The following TCERG1L variants were observed in gnomAD, a reference collection of about 807,000 sequenced individuals.
TCERG1L encodes transcription elongation regulator 1-like protein.
TCERG1L carries 37 observed loss-of-function variants against 56.3 expected under a neutral mutation model. The observed-to-expected ratio is 0.66, with a 90% CI of 0.51 to 0.87. The LOEUF (loss-of-function observed/expected upper bound fraction) is 0.87. TCERG1L is among the 40% of genes least tolerant of loss of function. The probability of loss-of-function intolerance (pLI) is 0.00; values close to 1 mark genes in which losing one functional copy is unlikely to be tolerated. For missense variants in TCERG1L, 799 were observed against 774.2 expected (o/e 1.03, Z -0.38); for synonymous variants, 324 against 326.3 (o/e 0.99, Z 0.08).
chr10:131,125,968 G>A (rs1350060669), intron 8 of TCERG1L, among the ~76,000 whole-genome samples: 2 of 152,224 alleles, frequency 1.3e-5, no homozygotes, highest in Non-Finnish European at 2.9e-5. Flanking sequence ...GGGCAGAGAT[G>A]CAAAATCCTC....
At chr10:131,242,961 G>T (rs551049803) in intron 4 of TCERG1L, among the ~76,000 whole-genome samples, 1 of 152,240 alleles carries the variant, frequency 6.6e-6, no homozygotes, top group South Asian at 2.1e-4. Context: ...AAGAAATAGG[G>T]ACGTCAATCT....
intron 4 of TCERG1L, among the ~76,000 whole-genome samples, chr10:131,243,696 C>T (rs993813446): frequency 6.6e-5 from 10 of 152,160 alleles, no homozygotes; most frequent in Admixed American, 6.5e-4. Context: ...GACCAGACAC[C>T]CTCTGTTCAC....
chr10:131,280,864 G>T (rs1428895958), intron 3 of TCERG1L, among the ~76,000 whole-genome samples: 1 of 152,094 alleles, frequency 6.6e-6, no homozygotes, highest in Non-Finnish European at 1.5e-5. Context: ...AGGCCCTCCT[G>T]GGAACCCAAG....
chr10:131,231,621 C>T (rs950831752), intron 4 of TCERG1L, among the ~76,000 whole-genome samples: 1 of 152,168 alleles, frequency 6.6e-6, no homozygotes, highest in Non-Finnish European at 1.5e-5. Flanking sequence ...GTGAGGTCTG[C>T]CACTGCCTTC....
chr10:131,137,219 C>T (rs1845685655), intron 7 of TCERG1L, among the ~76,000 whole-genome samples: 1 of 152,148 alleles, frequency 6.6e-6, no homozygotes, highest in African/African-American at 2.4e-5. Context: ...CTCTCCACCC[C>T]AACACCCTCT....
chr10:131,096,618 A>G (rs6482847), intron 11 of TCERG1L, among the ~76,000 whole-genome samples: 111,557 of 152,080 alleles, frequency 0.73, 41,198 homozygotes, highest in South Asian at 0.79. Flanking sequence ...AAACCGATGC[A>G]GGCCAGGCGC....
Position 131,116,852 on chromosome 10 carries a change from G to T in TCERG1L, c.1342C>A (p.Leu448Met). The T allele has an allele frequency of 6.3e-7, 1 of 1,585,412 alleles. No homozygotes were observed. The highest frequency in any genetic ancestry group is 1.2e-5 in the South Asian group (1 of 86,756). Residue 448 changes from leucine to methionine, a missense_variant, in exon 9 of 12, where the codon CTG becomes ATG. Coordinates refer to ENST00000368642, the MANE Select transcript of TCERG1L (RefSeq NM_174937.4). ...GTRTPPPQIL[L>M]PLEERVTHFR... Reference sequence around the variant, plus strand: ...TGGGTCACACGCTCCTCCAGAGGCAGGAGGATCTGCGGGGGCGGCGTCCTT... The same window carrying T: ...TGGGTCACACGCTCCTCCAGAGGCATGAGGATCTGCGGGGGCGGCGTCCTT...
intron 4 of TCERG1L, among the ~76,000 whole-genome samples, chr10:131,173,585 T>G (rs1846115007): frequency 1.3e-5 from 2 of 152,234 alleles, no homozygotes; most frequent in African/African-American, 4.8e-5. Flanking sequence ...CGTGCCATCT[T>G]CATGCTGAGT....
At chr10:131,178,165 G>A (rs895073346) in intron 4 of TCERG1L, among the ~76,000 whole-genome samples, 5 of 152,130 alleles carry the variant, frequency 3.3e-5, no homozygotes, top group Non-Finnish European at 5.9e-5. Flanking sequence ...GAGGCACCAC[G>A]TGAGGCCCTG....
rs1427047701 is a variant in TCERG1L, at chr10:131,160,958, G to C, written c.1034+2164C>G. 4 of 152,170 alleles carry C rather than the reference G, an allele frequency of 2.6e-5. No homozygotes were observed. The East Asian group carries it at 7.7e-4, about 29-fold the overall frequency. The allele number at this position is 152,170 out of a possible 1,614,324, so 9.4% of individuals were successfully genotyped here. A position where few individuals can be genotyped will look rare whatever the true frequency, so the allele number is the denominator to read the frequency against. ...CGGAAGCTGTGTGAGGATTCCACAG[G>C]GTCTTGGGGAACGTTTCCCCATCCT... is the stretch of plus-strand genomic sequence containing the variant. On this transcript the variant is annotated intron_variant, in intron 6 of 11. Transcript: ENST00000368642.
At chr10:131,248,592 G>A (rs1846068119) in intron 4 of TCERG1L, among the ~76,000 whole-genome samples, 1 of 152,130 alleles carries the variant, frequency 6.6e-6, no homozygotes, top group Non-Finnish European at 1.5e-5. Context: ...TCTCTGCCTT[G>A]GGCTGTGTGT....
chr10:131,165,981 T>G (rs1846026903), intron 5 of TCERG1L, among the ~76,000 whole-genome samples: 1 of 152,234 alleles, frequency 6.6e-6, no homozygotes, highest in Admixed American at 6.5e-5. Flanking sequence ...GGCCTGGATG[T>G]TAATCTGGAA....
chr10:131,268,449 CT>C (rs1846307577), intron 3 of TCERG1L, among the ~76,000 whole-genome samples: 1 of 152,152 alleles, frequency 6.6e-6, no homozygotes, highest in African/African-American at 2.4e-5. Context: ...GTAAATTAGT[CT>C]TGCCTTCAAC....
At chr10:131,297,205 C>T (rs1453133627) in intron 3 of TCERG1L, among the ~76,000 whole-genome samples, 2 of 152,116 alleles carry the variant, frequency 1.3e-5, no homozygotes, top group Admixed American at 1.3e-4. Flanking sequence ...CCTTAGATGT[C>T]CTTTGTCAGT....
In TCERG1L at chr10:131,191,506, C is replaced by T. The variant is rs117653205; in HGVS notation, c.857-24621G>A. Among the ~76,000 whole-genome samples the T allele has an allele frequency of 9.0e-3, 1,291 of 143,426 alleles. 154 individuals carry two copies. The South Asian group carries it at 0.1, about 12-fold the overall frequency. 94.1% of individuals were successfully genotyped at this position (143,426 alleles called of 152,430 possible). A position where few individuals can be genotyped will look rare whatever the true frequency, so the allele number is the denominator to read the frequency against. ...ATACTATAATACAAGACTATAGTCA[C>T]CAAAACAGCATGGTACTAGTAAAAG... is the stretch of plus-strand genomic sequence containing the variant. On this transcript the variant is annotated intron_variant, in intron 4 of 11. Transcript: ENST00000368642.
At chr10:131,102,840 G>A (rs879611594) in intron 10 of TCERG1L, among the ~76,000 whole-genome samples, 3 of 152,086 alleles carry the variant, frequency 2.0e-5, no homozygotes, top group Non-Finnish European at 2.9e-5. Context: ...CGCTGATGCC[G>A]TCAGACCATC....
intron 3 of TCERG1L, among the ~76,000 whole-genome samples, chr10:131,268,997 T>C (rs1846311329): frequency 6.6e-6 from 1 of 152,222 alleles, no homozygotes; most frequent in Non-Finnish European, 1.5e-5. Context: ...AACTTTTCCT[T>C]AGCATTCACA....
At chr10:131,183,324 T>C (rs1189399237) in intron 4 of TCERG1L, among the ~76,000 whole-genome samples, 1 of 152,216 alleles carries the variant, frequency 6.6e-6, no homozygotes, top group Admixed American at 6.5e-5. Context: ...ATCCTATACT[T>C]ACAATGAAGC....
At chr10:131,149,482 A>T (rs2133417781) in intron 6 of TCERG1L, among the ~76,000 whole-genome samples, 1 of 152,346 alleles carries the variant, frequency 6.6e-6, no homozygotes, top group South Asian at 2.1e-4. Flanking sequence ...TCTAAAGCTG[A>T]AGGTAACCAC....
Sources: allele counts gnomAD v4.1 joint callset (sites outside exome capture counted in the v4.1 genomes callset), GRCh38; gene constraint gnomAD v4.1.1; transcripts MANE v1.5; gene names NCBI Gene and HGNC (gene_info 2026-07-23, HGNC 2026-07-21).